HCRTR1: variants seen among roughly 807,000 people sequenced by gnomAD.
HCRTR1 encodes orexin/Hypocretin receptor type 1.
In HCRTR1, 28 loss-of-function variants were observed where a neutral mutation model predicts 40.6. That is an observed-to-expected ratio of 0.69 (90% CI 0.51 to 0.95). The LOEUF (loss-of-function observed/expected upper bound fraction) is 0.95. Among genes scored for constraint, HCRTR1 ranks in the 40% least tolerant of loss-of-function variants. The pLI, the probability that HCRTR1 is intolerant of heterozygous loss-of-function variation, is 0.00. For missense variants in HCRTR1, 482 were observed against 564.7 expected, an observed-to-expected ratio of 0.85 and a Z score of 1.48; for synonymous variants, 209 against 230.0, an observed-to-expected ratio of 0.91 and a Z score of 0.83.
In HCRTR1 at chr1:31,619,209, C is replaced by T. The variant is rs761959271; in HGVS notation, c.17C>T (p.Thr6Ile). 2.5e-6 allele frequency: 4 copies of T among 1,612,182 alleles called. No individual in the cohort carries two copies. In the East Asian group the frequency reaches 6.7e-5, roughly 27 times the overall value. Reference protein sequence around the residue: MEPSATPGAQMGVPPG... With the variant: MEPSAIPGAQMGVPPG... ...CCTGAGCTCATGGAGCCCTCAGCCA[C>T]CCCAGGGGCCCAGATGGGGGTCCCC... The change falls in exon 3 of 9, where the codon ACC becomes ATC. Residue 6 changes from threonine to isoleucine, a missense_variant. Coordinates refer to ENST00000403528, the MANE Select transcript of HCRTR1 (RefSeq NM_001525.3).
At chr1:31,619,767 G>A (rs1030005940) in intron 4 of HCRTR1, 57 bp downstream of exon 4, 37 of 1,495,994 alleles carry the variant, frequency 2.5e-5, no homozygotes, top group African/African-American at 1.8e-4. Context: ...AAAAACCCAC[G>A]GCCTTGCATA....
intron 5 of HCRTR1, 105 bp downstream of exon 5, chr1:31,621,191 C>A: frequency 7.0e-7 from 1 of 1,434,074 alleles, no homozygotes; most frequent in South Asian, 1.4e-5. Context: ...TGGGAAATCC[C>A]AGAGCAGGTA....
downstream of HCRTR1, among the ~76,000 whole-genome samples, chr1:31,632,859 T>C (rs535982663): frequency 1.8e-3 from 277 of 152,286 alleles, no homozygotes; most frequent in Non-Finnish European, 2.8e-3. Context: ...CAGAACTGCA[T>C]TTTCTCTGCA....
At chr1:31,618,216 GGAA>G (rs1034577968) in intron 1 of HCRTR1, 1 of 152,430 alleles carries the variant, frequency 6.6e-6, no homozygotes, top group African/African-American at 2.4e-5. Context: ...CCCAGCCGGG[GGAA>G]GGAGGGGCTG....
Position 31,625,315 on chromosome 1 carries a change from G to A in HCRTR1, c.1087+197G>A, listed in dbSNP as rs1639952908. Reference sequence around the variant, plus strand: ...GGAGACGGGCCACACTCCCTACAGTGGCTGGCACCCAGGATCCAGTTTTGC... The same window carrying A: ...GGAGACGGGCCACACTCCCTACAGTAGCTGGCACCCAGGATCCAGTTTTGC... On this transcript the variant is annotated intron_variant, in intron 8 of 8. Transcript: ENST00000403528. This position sits in a 1 kb window ranked among gnomAD's most constrained non-coding sequence, Gnocchi z 4.2. 6.6e-6 allele frequency among the ~76,000 whole-genome samples: 1 copy of A among 152,196 alleles called. No individual in the cohort carries two copies. Among genetic ancestry groups the A allele is most frequent in the Non-Finnish European group, 1.5e-5 (1 of 68,028 alleles).
At chr1:31,620,737 G>T in intron 4 of HCRTR1, 106 bp from the exon 5 acceptor site, 1 of 1,426,380 alleles carries the variant, frequency 7.0e-7, no homozygotes, top group South Asian at 1.3e-5. Flanking sequence ...AAGTGGTGGA[G>T]TCAGGATTTG....
chr1:31,625,130 G>A lies in HCRTR1; in HGVS notation c.1087+12G>A, dbSNP rs753666915. The A allele has an allele frequency of 1.1e-5, 18 of 1,594,664 alleles. No individual in the cohort carries two copies. The Admixed American group carries it at 1.7e-4, about 15-fold the overall frequency. On this transcript the variant is annotated intron_variant, in intron 8 of 8. Coordinates refer to ENST00000403528, the MANE Select transcript of HCRTR1 (RefSeq NM_001525.3). The surrounding 1 kb of genome is among the most constrained non-coding windows in gnomAD (Gnocchi z 4.2). ...CAACTTCCTCAGTGGTGAGCAGGCT[G>A]GGGATGCAAAATGACTGAGGGTGGC...
downstream of HCRTR1, among the ~76,000 whole-genome samples, chr1:31,633,955 CAA>C (rs397968805): frequency 9.6e-6 from 1 of 103,858 alleles, no homozygotes; most frequent in African/African-American, 3.6e-5. Context: ...AACTCCATCT[CAA>C]AAAAAAAAAA....
chr1:31,623,786 T>G (rs780888886), intron 7 of HCRTR1, 37 bp downstream of exon 7: 2 of 1,534,546 alleles, frequency 1.3e-6, no homozygotes, highest in Non-Finnish European at 1.8e-6. Flanking sequence ...GGGGAGAAGT[T>G]TGAGGTTGGG....
At chr1:31,630,286 G>C (rs547263447), downstream of HCRTR1, 1 of 372,324 alleles carries the variant, frequency 2.7e-6, no homozygotes, top group Non-Finnish European at 5.1e-6. Context: ...TGGCATCAGG[G>C]TGGAGCTCAG....
downstream of HCRTR1, chr1:31,630,339 C>A: frequency 2.1e-6 from 1 of 469,284 alleles, no homozygotes; most frequent in Non-Finnish European, 3.9e-6. Context: ...GCTCCTGGTG[C>A]CAGGCTGTGC....
chr1:31,626,924 A>G lies in HCRTR1; in HGVS notation c.1222A>G (p.Ile408Val), dbSNP rs2271933. ...KSLSLQSRCS[I>V]SKISEHVVLT... ...CTTGTCCTTGCAGAGCCGATGCTCC[A>G]TCTCCAAAATCTCTGAGCATGTGGT... The change falls in exon 9 of 9, where the codon ATC (isoleucine) becomes GTC (valine). Residue 408 changes from isoleucine (I) to valine (V), a missense_variant. Ile to Val is a conservative substitution (Grantham distance 29). Coordinates refer to ENST00000403528, the MANE Select transcript of HCRTR1 (RefSeq NM_001525.3). The surrounding 1 kb of genome is among the most constrained non-coding windows in gnomAD (Gnocchi z 4.6). The G allele has an allele frequency of 0.58, 942,359 of 1,613,344 alleles. 282,591 individuals are homozygous for G. Among genetic ancestry groups the G allele is most frequent in the South Asian group, 0.63 (57,103 of 91,058 alleles).
Position 31,627,036 on chromosome 1 carries a change from A to T in HCRTR1, c.*56A>T, listed in dbSNP as rs199570837. Reference sequence around the variant, plus strand: ...GGGATCTGCCCCTACCCCTCATGGAAAGACAGCTGGATGTGGTGAAAGGCT... The same window carrying T: ...GGGATCTGCCCCTACCCCTCATGGATAGACAGCTGGATGTGGTGAAAGGCT... On this transcript the variant is annotated 3_prime_UTR_variant, in exon 9 of 9. Transcript: ENST00000403528. 3 of 1,559,538 alleles carry T rather than the reference A, an allele frequency of 1.9e-6. No homozygotes were observed. Among genetic ancestry groups the T allele is most frequent in the Non-Finnish European group, 2.6e-6 (3 of 1,157,340 alleles).
chr1:31,633,200 T>C (rs143340788), downstream of HCRTR1: 134 of 1,614,106 alleles, frequency 8.3e-5, no homozygotes, highest in Middle Eastern at 6.6e-4. Flanking sequence ...TGAAGACCAA[T>C]TGCAGTTGAC....
At chr1:31,632,760 G>T, downstream of HCRTR1, 1 of 1,180,554 alleles carries the variant, frequency 8.5e-7, no homozygotes. Flanking sequence ...ACAGAACCAA[G>T]CCCTGAGGCC....
chr1:31,633,443 G>T, downstream of HCRTR1: 6 of 998,766 alleles, frequency 6.0e-6, no homozygotes, highest in Non-Finnish European at 8.7e-6. Context: ...CCATCAAGCT[G>T]ACATTCTTAC....
downstream of HCRTR1, among the ~76,000 whole-genome samples, chr1:31,632,898 T>C (rs1640152051): frequency 1.3e-5 from 2 of 152,190 alleles, no homozygotes; most frequent in Non-Finnish European, 2.9e-5. Context: ...TCCCTGCTGT[T>C]TCCTACAGGG....
Position 31,619,239 on chromosome 1 carries a change from G to T in HCRTR1, c.47G>T (p.Gly16Val). The change falls in exon 3 of 9, where the codon GGC becomes GTC. Residue 16 changes from glycine (G) to valine (V), a missense_variant. Coordinates refer to ENST00000403528, the MANE Select transcript of HCRTR1 (RefSeq NM_001525.3). Reference protein sequence around the residue: ...TPGAQMGVPPGSREPSPVPPD... With the variant: ...TPGAQMGVPPVSREPSPVPPD... ...GGGGCCCAGATGGGGGTCCCCCCTGGCAGCAGAGAGCCGTCCCCTGTGCCT... is the reference window on the plus strand; with the variant it reads ...GGGGCCCAGATGGGGGTCCCCCCTGTCAGCAGAGAGCCGTCCCCTGTGCCT... 1.2e-6 allele frequency: 2 copies of T among 1,613,584 alleles called. No homozygotes were observed. The highest frequency in any genetic ancestry group is 8.5e-7 in the Non-Finnish European group (1 of 1,180,020).
chr1:31,626,944 T>C lies in HCRTR1; in HGVS notation c.1242T>C (p.His414=), dbSNP rs1270358142. ...GCTCCATCTCCAAAATCTCTGAGCA[T>C]GTGGTGCTCACCAGCGTCACCACAG... ...SRCSISKISE[H]VVLTSVTTVL... The change falls in exon 9 of 9, where the codon CAT becomes CAC. Residue 414 remains histidine, a synonymous_variant. Transcript: ENST00000403528. This position sits in a 1 kb window ranked among gnomAD's most constrained non-coding sequence, Gnocchi z 4.6. 1 of 1,613,400 alleles carries C rather than the reference T, an allele frequency of 6.2e-7. No homozygotes were observed. The highest frequency in any genetic ancestry group is 1.7e-5 in the Admixed American group (1 of 60,022).
Sources: allele counts gnomAD v4.1 joint callset (sites outside exome capture counted in the v4.1 genomes callset), GRCh38; gene constraint gnomAD v4.1.1; non-coding constraint Gnocchi (gnomAD v3.1); transcripts MANE v1.5; gene names NCBI Gene and HGNC (gene_info 2026-07-23, HGNC 2026-07-21).